SRGAP1: variants seen among roughly 807,000 people sequenced by gnomAD.
SRGAP1 encodes SLIT-ROBO Rho GTPase activating protein 1, also known as SLIT-ROBO Rho GTPase-activating protein 1.
SRGAP1 carries 43 observed loss-of-function variants against 121.9 expected under a neutral mutation model. That is an observed-to-expected ratio of 0.35 (90% CI 0.28 to 0.46). SRGAP1 has a LOEUF of 0.46. Among genes scored for constraint, SRGAP1 ranks in the 20% least tolerant of loss-of-function variants. The probability of loss-of-function intolerance (pLI) is 1.00; values close to 1 mark genes in which losing one functional copy is unlikely to be tolerated. For synonymous variants in SRGAP1, 447 were observed against 485.4 expected (o/e 0.92, Z 1.04); for missense variants, 1,102 against 1,350.9 (o/e 0.82, Z 2.89).
intron 6 of SRGAP1, among the ~76,000 whole-genome samples, chr12:64,050,869 G>A (rs561425124): frequency 7.2e-5 from 11 of 152,110 alleles, no homozygotes; most frequent in African/African-American, 2.2e-4. Flanking sequence ...TTACAGGTAC[G>A]GACCACCATG....
chr12:64,110,089 A>G (rs1439170853), intron 16 of SRGAP1, among the ~76,000 whole-genome samples: 1 of 152,232 alleles, frequency 6.6e-6, no homozygotes, highest in Non-Finnish European at 1.5e-5. Flanking sequence ...AACTATGGTT[A>G]GGCTAGACAC....
intron 4 of SRGAP1, chr12:64,032,600 G>A (rs2034804849): frequency 6.8e-6 from 4 of 585,190 alleles, no homozygotes; most frequent in Non-Finnish European, 1.2e-5. Flanking sequence ...GCCCCCGACA[G>A]CTGACAACAA....
At chr12:64,110,358 C>T (rs1194183134) in intron 16 of SRGAP1, among the ~76,000 whole-genome samples, 2 of 152,202 alleles carry the variant, frequency 1.3e-5, no homozygotes, top group Non-Finnish European at 2.9e-5. Context: ...CCTAACTCAT[C>T]ATGCATCTCA....
At chr12:64,107,685 A>C (rs544830103) in intron 15 of SRGAP1, among the ~76,000 whole-genome samples, 2 of 152,318 alleles carry the variant, frequency 1.3e-5, no homozygotes, top group African/African-American at 4.8e-5. Flanking sequence ...TGAGTTGACT[A>C]TGGTGTCAGA....
chr12:63,994,285 A>G (rs777249261), intron 3 of SRGAP1, among the ~76,000 whole-genome samples: 35 of 152,188 alleles, frequency 2.3e-4, no homozygotes, highest in Non-Finnish European at 1.6e-4. Flanking sequence ...TATACCAAAT[A>G]TTATACCAAA....
At chr12:63,846,135 T>C (rs571433127) in intron 1 of SRGAP1, among the ~76,000 whole-genome samples, 29 of 151,526 alleles carry the variant, frequency 1.9e-4, no homozygotes, top group African/African-American at 6.9e-4. Context: ...ATCTATAGGC[T>C]GACCCCTATA....
chr12:63,973,736 T>C (rs1374528770), intron 1 of SRGAP1, among the ~76,000 whole-genome samples: 2 of 152,206 alleles, frequency 1.3e-5, no homozygotes, highest in African/African-American at 4.8e-5. Flanking sequence ...TTTAAACTAG[T>C]TTAAAAGTTT....
At chr12:63,999,840 A>G (rs2033824762) in intron 3 of SRGAP1, among the ~76,000 whole-genome samples, 1 of 152,126 alleles carries the variant, frequency 6.6e-6, no homozygotes, top group African/African-American at 2.4e-5. Flanking sequence ...GCTGAGATAA[A>G]CCAGGGAGAA....
intron 21 of SRGAP1, among the ~76,000 whole-genome samples, chr12:64,141,589 A>G (rs929207763): frequency 3.9e-5 from 6 of 152,044 alleles, no homozygotes; most frequent in African/African-American, 1.2e-4. Flanking sequence ...TGGGGGGGGA[A>G]AAAGTTGAAA....
chr12:63,999,452 A>G (rs1322717166), intron 3 of SRGAP1, among the ~76,000 whole-genome samples: 1 of 152,172 alleles, frequency 6.6e-6, no homozygotes, highest in East Asian at 1.9e-4. Flanking sequence ...ATGAGAGATG[A>G]GGATGCTCTT....
rs186408044 is a variant in SRGAP1, at chr12:63,855,374, T to C, written c.67+10491T>C. 2.3e-3 allele frequency among the ~76,000 whole-genome samples: 351 copies of C among 151,638 alleles called. 1 individual carries two copies. The highest frequency in any genetic ancestry group is 6.8e-3 in the Middle Eastern group (2 of 292). ...TTGCTGCAAGGGAAGCTGGGAAATA[T>C]AGTCTCTCTGGATGGCCCTGTTTCT... On this transcript the variant is annotated intron_variant, in intron 1 of 21. Coordinates refer to ENST00000355086, the MANE Select transcript of SRGAP1 (RefSeq NM_020762.4).
At chr12:64,002,857 A>T in intron 3 of SRGAP1, among the ~76,000 whole-genome samples, 1 of 152,152 alleles carries the variant, frequency 6.6e-6, no homozygotes, top group East Asian at 1.9e-4. Context: ...GAGTTTCATA[A>T]TATAATATTC....
In SRGAP1 at chr12:64,121,004, T is replaced by G. The variant is rs2036597224; in HGVS notation, c.2225-4973T>G. ...TCTGCTAAAAAAGAAAGCTTCTTTG[T>G]GTCTTTTTTTTTTTTTTTTTTTCTG... On this transcript the variant is annotated intron_variant, in intron 18 of 21. Coordinates refer to ENST00000355086, the MANE Select transcript of SRGAP1 (RefSeq NM_020762.4). Among the ~76,000 whole-genome samples the G allele has an allele frequency of 2.0e-5, 3 of 149,836 alleles. No individual in the cohort carries two copies. The South Asian group carries it at 6.2e-4, about 31-fold the overall frequency.
chr12:63,935,112 A>G (rs2031620481), intron 1 of SRGAP1, among the ~76,000 whole-genome samples: 1 of 152,126 alleles, frequency 6.6e-6, no homozygotes, highest in East Asian at 1.9e-4. Context: ...GTTTTTCCAC[A>G]CCACTCAACT....
At chr12:63,919,581 A>G (rs535634348) in intron 1 of SRGAP1, among the ~76,000 whole-genome samples, 1 of 145,800 alleles carries the variant, frequency 6.9e-6, no homozygotes, top group South Asian at 2.1e-4. Flanking sequence ...TGTCATATGT[A>G]TGACTTACCA....
intron 1 of SRGAP1, among the ~76,000 whole-genome samples, chr12:63,957,646 A>T (rs531731273): frequency 6.6e-6 from 1 of 152,272 alleles, no homozygotes; most frequent in African/African-American, 2.4e-5. Flanking sequence ...TTCATATTGA[A>T]AAAGAAAAAC....
intron 8 of SRGAP1, among the ~76,000 whole-genome samples, chr12:64,071,173 T>C (rs917268651): frequency 6.6e-6 from 1 of 152,210 alleles, no homozygotes; most frequent in African/African-American, 2.4e-5. Flanking sequence ...ACATTTATAT[T>C]TTTTGTTTCA....
At chr12:64,033,449 G>A (rs1218680250) in intron 4 of SRGAP1, among the ~76,000 whole-genome samples, 1 of 152,266 alleles carries the variant, frequency 6.6e-6, no homozygotes, top group Admixed American at 6.5e-5. Flanking sequence ...AGGTGTGGTG[G>A]CTCATGCCTG....
chr12:63,925,037 G>A (rs2031205582), intron 1 of SRGAP1, among the ~76,000 whole-genome samples: 3 of 152,172 alleles, frequency 2.0e-5, no homozygotes, highest in South Asian at 2.1e-4. Flanking sequence ...CAGGAGGGGT[G>A]ACTGTCACTG....
Sources: gnomAD v4.1 joint callset for allele counts (sites outside exome capture counted in the v4.1 genomes callset) on GRCh38, gnomAD v4.1.1 for gene constraint, MANE v1.5 for transcripts, NCBI Gene and HGNC (gene_info 2026-07-23, HGNC 2026-07-21) for gene names.